Variants in ANXA8 observed in about 807,000 individuals in gnomAD.
The protein encoded by ANXA8 is VAC-beta.
Under a neutral mutation model 26.8 loss-of-function variants are expected in ANXA8, and 9 were observed. The ratio of observed to expected loss-of-function variants is 0.34; its 90% confidence interval spans 0.20 to 0.59. The LOEUF is 0.59. Among genes scored for constraint, ANXA8 ranks in the 20% least tolerant of loss-of-function variants. ANXA8 has a pLI of 0.84. For synonymous variants in ANXA8, 39 were observed against 94.8 expected, an observed-to-expected ratio of 0.41 and a Z score of 3.42; for missense variants, 83 against 238.5, an observed-to-expected ratio of 0.35 and a Z score of 4.29.
At chr10:47,573,273 T>C in the ANXA8 span, among the ~76,000 whole-genome samples, 1 of 149,714 alleles carries the variant, frequency 6.7e-6, no homozygotes, top group Non-Finnish European at 1.5e-5. Context: ...TGAGCCACCG[T>C]GCCCAGCCAG....
the ANXA8 span, among the ~76,000 whole-genome samples, chr10:47,627,181 A>G: frequency 5.3e-5 from 8 of 150,080 alleles, no homozygotes; most frequent in Non-Finnish European, 8.8e-5. Flanking sequence ...AAACAGGAAC[A>G]GTAATAATCT....
chr10:47,968,080 A>T, the ANXA8 span, among the ~76,000 whole-genome samples: 6,823 of 143,428 alleles, frequency 0.048, no homozygotes, highest in African/African-American at 0.19. Flanking sequence ...AGTCCTCGAG[A>T]TTTTTGCCCA....
At chr10:47,699,884 A>T in the ANXA8 span, among the ~76,000 whole-genome samples, 4 of 151,862 alleles carry the variant, frequency 2.6e-5, no homozygotes, top group African/African-American at 7.3e-5. Context: ...TAACAAACAG[A>T]GGGCATAATG....
chr10:47,513,516 T>G, the ANXA8 span, among the ~76,000 whole-genome samples: 1 of 141,746 alleles, frequency 7.1e-6, no homozygotes, highest in Non-Finnish European at 1.5e-5. Context: ...CCATCCTTCT[T>G]CACAGAACTA....
chr10:47,706,019 C>T, the ANXA8 span, among the ~76,000 whole-genome samples: 2 of 151,936 alleles, frequency 1.3e-5, no homozygotes, highest in Admixed American at 6.5e-5. Flanking sequence ...GGGAGGGGCG[C>T]CGCCGCGCGG....
At chr10:47,525,523 C>T in the ANXA8 span, among the ~76,000 whole-genome samples, 2 of 135,164 alleles carry the variant, frequency 1.5e-5, no homozygotes, top group Non-Finnish European at 3.1e-5. Flanking sequence ...GCCCCTCCCT[C>T]GACACATCGG....
chr10:47,967,071 T>TA, the ANXA8 span, among the ~76,000 whole-genome samples: 3 of 149,688 alleles, frequency 2.0e-5, no homozygotes, highest in African/African-American at 7.3e-5. Context: ...TCTAAATATT[T>TA]AAAAATCTTT....
chr10:47,767,522 C>T, the ANXA8 span, among the ~76,000 whole-genome samples: 2 of 151,944 alleles, frequency 1.3e-5, no homozygotes, highest in Admixed American at 6.5e-5. Context: ...CTCCTCTCAA[C>T]CAGCACCAGA....
At chr10:47,485,596 T>G (rs1389213362), upstream of ANXA8, among the ~76,000 whole-genome samples, 1 of 152,012 alleles carries the variant, frequency 6.6e-6, no homozygotes, top group African/African-American at 2.4e-5. Context: ...TTTTTTCTCA[T>G]TTCTGCTAAG....
the ANXA8 span, among the ~76,000 whole-genome samples, chr10:47,584,914 C>T: frequency 7.0e-6 from 1 of 143,530 alleles, no homozygotes; most frequent in Admixed American, 6.8e-5. Flanking sequence ...ATGGCGAAAC[C>T]CCGTCTCTAC....
the ANXA8 span, among the ~76,000 whole-genome samples, chr10:47,649,962 C>A: frequency 6.6e-6 from 1 of 150,936 alleles, no homozygotes; most frequent in Non-Finnish European, 1.5e-5. Context: ...AATCCCAACA[C>A]TTTGGGAGGC....
At chr10:47,763,229 T>C in the ANXA8 span, 1 of 986,118 alleles carries the variant, frequency 1.0e-6, no homozygotes, top group Non-Finnish European at 1.2e-6. Flanking sequence ...CTGATGGCCT[T>C]GGGCAGGGAT....
chr10:47,906,778 A>AT, the ANXA8 span, among the ~76,000 whole-genome samples: 1 of 43,726 alleles, frequency 2.3e-5, no homozygotes, highest in African/African-American at 9.4e-5. Context: ...AGCAGATTTA[A>AT]TTTTTTAAGT....
chr10:47,682,221 C>T, the ANXA8 span, among the ~76,000 whole-genome samples: 3 of 133,776 alleles, frequency 2.2e-5, no homozygotes, highest in Non-Finnish European at 3.2e-5. Context: ...CAATGTTTCC[C>T]TTTACCTGTT....
At chr10:47,684,423 T>TTGG in the ANXA8 span, among the ~76,000 whole-genome samples, 84 of 135,678 alleles carry the variant, frequency 6.2e-4, no homozygotes, top group East Asian at 2.7e-3. Context: ...AGTTTTTTTT[T>TTGG]GGGGGGGGGG....
chr10:47,717,501 G>A, the ANXA8 span, among the ~76,000 whole-genome samples: 1 of 114,432 alleles, frequency 8.7e-6, no homozygotes, highest in East Asian at 3.3e-4. Flanking sequence ...GGGGGATGAG[G>A]CTAGGCCTGA....
At chr10:47,697,170 CAGAT>C in the ANXA8 span, among the ~76,000 whole-genome samples, 1 of 152,176 alleles carries the variant, frequency 6.6e-6, no homozygotes, top group South Asian at 2.1e-4. Flanking sequence ...TCACTGGACT[CAGAT>C]AGACCAGGAT....
At chr10:47,483,116 C>A (rs1191457400) in intron 1 of ANXA8, among the ~76,000 whole-genome samples, 2 of 151,662 alleles carry the variant, frequency 1.3e-5, no homozygotes, top group African/African-American at 4.9e-5. Flanking sequence ...TCAGGCTCAA[C>A]CATAGATGGA....
the ANXA8 span, among the ~76,000 whole-genome samples, chr10:47,527,890 T>C: frequency 6.7e-6 from 1 of 148,770 alleles, no homozygotes; most frequent in Admixed American, 6.8e-5. Flanking sequence ...ATTTTTGAGG[T>C]TAGAAGAGAA....
Sources: gnomAD v4.1 joint callset for allele counts (sites outside exome capture counted in the v4.1 genomes callset) on GRCh38, gnomAD v4.1.1 for gene constraint, MANE v1.5 for transcripts, NCBI Gene and HGNC (gene_info 2026-07-23, HGNC 2026-07-21) for gene names.